Variants in PREX2 observed in about 807,000 individuals in gnomAD.
PREX2 encodes phosphatidylinositol-3,4,5-trisphosphate dependent Rac exchange factor 2.
Under a neutral mutation model 203.2 loss-of-function variants are expected in PREX2, and 107 were observed. The ratio of observed to expected loss-of-function variants is 0.53; its 90% CI spans 0.45 to 0.62. The LOEUF (loss-of-function observed/expected upper bound fraction) is 0.62, where lower values mean the gene tolerates loss of function less well. PREX2 is among the 20% of genes least tolerant of loss of function. The pLI is 0.00. For missense variants in PREX2, 1,777 were observed against 1,955.9 expected (o/e 0.91, Z 1.72); for synonymous variants, 672 against 663.6 (o/e 1.01, Z -0.19).
Position 68,101,329 on chromosome 8 carries a change from T to A in PREX2, c.2715+1486T>A, listed in dbSNP as rs189462706. The A allele has an allele frequency of 1.4e-3, 750 of 518,610 alleles. 1 individual carries two copies. The highest frequency in any genetic ancestry group is 4.4e-3 in the Admixed American group (228 of 51,488). 32.1% of individuals were successfully genotyped at this position (518,610 alleles called of 1,614,324 possible). On this transcript the variant is annotated intron_variant, in intron 23 of 39. Transcript: ENST00000288368. ...GGGAAAAGAGATCATGATTTTTTCCTTTAAACAATTCCTGTAATGTTTGGG... is the reference window on the plus strand; with the variant it reads ...GGGAAAAGAGATCATGATTTTTTCCATTAAACAATTCCTGTAATGTTTGGG...
At chr8:68,169,804 CCAA>C (rs1335864978) in intron 35 of PREX2, among the ~76,000 whole-genome samples, 4 of 152,074 alleles carry the variant, frequency 2.6e-5, no homozygotes, top group African/African-American at 9.7e-5. Flanking sequence ...TCAGTTGCCC[CCAA>C]CTGCCCTGAT....
At chr8:68,146,428 T>C (rs1249960200) in intron 34 of PREX2, 76 bp downstream of exon 34, 3 of 1,258,910 alleles carry the variant, frequency 2.4e-6, no homozygotes, top group Non-Finnish European at 3.3e-6. Flanking sequence ...AATGTGATTT[T>C]AACAGTTGGG....
At chr8:67,980,537 A>G in intron 1 of PREX2, among the ~76,000 whole-genome samples, 1 of 152,234 alleles carries the variant, frequency 6.6e-6, no homozygotes, top group East Asian at 1.9e-4. Context: ...TTAAGTGGGA[A>G]CAGTGTTTGG....
intron 23 of PREX2, chr8:68,106,243 C>T (rs1810407761): frequency 2.1e-6 from 1 of 479,626 alleles, no homozygotes; most frequent in South Asian, 1.6e-5. Flanking sequence ...CCATGGGTGC[C>T]TTGTGAGACT....
At position 68,217,550 on chromosome 8, in the gene PREX2, T is replaced by C. The variant is rs1240604467; in HGVS notation, c.4605-66T>C. On this transcript the variant is annotated intron_variant, in intron 37 of 39. Coordinates refer to ENST00000288368, the MANE Select transcript of PREX2 (RefSeq NM_024870.4). ...TGCTTTCTGATTTTGTGATTAGTAA[T>C]CCACATCATCTCAAAGGGTGTATCA... 5 of 1,137,404 alleles carry C rather than the reference T, an allele frequency of 4.4e-6. No homozygotes were observed. The African/African-American group carries it at 6.1e-5, about 14-fold the overall frequency. 70.5% of individuals were successfully genotyped at this position (1,137,404 alleles called of 1,614,324 possible).
intron 30 of PREX2, among the ~76,000 whole-genome samples, chr8:68,122,410 G>A (rs1158078068): frequency 6.6e-6 from 1 of 151,970 alleles, no homozygotes; most frequent in Non-Finnish European, 1.5e-5. Flanking sequence ...TTAATGAAAA[G>A]TCTGAATTTA....
At chr8:68,160,705 C>A (rs979909652) in intron 35 of PREX2, among the ~76,000 whole-genome samples, 1 of 152,020 alleles carries the variant, frequency 6.6e-6, no homozygotes, top group African/African-American at 2.4e-5. Context: ...TAAGTAACTA[C>A]AAAATGAGAT....
chr8:68,087,128 T>TA (rs1809716765), intron 18 of PREX2, among the ~76,000 whole-genome samples: 1 of 152,212 alleles, frequency 6.6e-6, no homozygotes, highest in Non-Finnish European at 1.5e-5. Flanking sequence ...TTGCCACAGA[T>TA]ACCCTGCAAA....
At chr8:68,034,295 T>C (rs1358590636) in intron 6 of PREX2, among the ~76,000 whole-genome samples, 2 of 152,176 alleles carry the variant, frequency 1.3e-5, no homozygotes, top group Admixed American at 1.3e-4. Context: ...TAATATGCCT[T>C]GGAAGAGAAG....
intron 31 of PREX2, among the ~76,000 whole-genome samples, chr8:68,133,676 G>A (rs560972653): frequency 1.4e-3 from 211 of 152,142 alleles, no homozygotes; most frequent in Non-Finnish European, 1.1e-3. Context: ...AAAAACTGAC[G>A]AATTGGACTT....
chr8:68,218,764 GCA>G (rs1318662056), intron 38 of PREX2, among the ~76,000 whole-genome samples: 4 of 152,174 alleles, frequency 2.6e-5, no homozygotes, highest in Non-Finnish European at 5.9e-5. Context: ...CGAAGATCAG[GCA>G]CAGAGAGAGC....
In PREX2 at chr8:67,976,768, GAGAC is replaced by G. The variant is rs1349866491; in HGVS notation, c.141+24237_141+24240del. ...GAGATGCGAGAGAGACAGAGAGAGA[GAGAC>G]AGAGACAGAGACAGAGCGAGAGGGG... On this transcript the variant is annotated intron_variant, in intron 1 of 39. Transcript: ENST00000288368. 1.2e-4 allele frequency among the ~76,000 whole-genome samples: 11 copies of G among 92,596 alleles called. 3 individuals are homozygous for G. The Admixed American group carries it at 1.5e-3, about 12-fold the overall frequency. The allele number at this position is 92,596 out of a possible 152,430, so 60.7% of individuals were successfully genotyped here.
At chr8:68,167,418 C>G (rs1379456788) in intron 35 of PREX2, among the ~76,000 whole-genome samples, 3 of 151,330 alleles carry the variant, frequency 2.0e-5, no homozygotes, top group African/African-American at 7.3e-5. Context: ...GCTATAACCT[C>G]TGCCTCCCAG....
intron 27 of PREX2, 115 bp downstream of exon 27, chr8:68,118,759 ACT>A (rs1810709520): frequency 4.9e-6 from 4 of 816,396 alleles, no homozygotes; most frequent in East Asian, 2.5e-5. Context: ...TTTATCAGTC[ACT>A]CTCTGTGGCC....
chr8:68,072,708 G>C lies in PREX2; in HGVS notation c.1569+138G>C, dbSNP rs574790271. The stretch of plus-strand genomic sequence containing the variant: ...GTACATACAACTAATAGGAAGCAGA[G>C]TTAGGATTTGAACCTAGATGATCAA... On this transcript the variant is annotated intron_variant, in intron 14 of 39. Coordinates refer to ENST00000288368, the MANE Select transcript of PREX2 (RefSeq NM_024870.4). 2.2e-5 allele frequency: 11 copies of C among 511,076 alleles called. No individual in the cohort carries two copies. The South Asian group carries it at 2.4e-4, about 11-fold the overall frequency. 31.7% of individuals were successfully genotyped at this position (511,076 alleles called of 1,614,324 possible). A position where few individuals can be genotyped will look rare whatever the true frequency, so the allele number is the denominator to read the frequency against.
At chr8:68,171,371 T>A (rs948348779) in intron 35 of PREX2, among the ~76,000 whole-genome samples, 1 of 152,184 alleles carries the variant, frequency 6.6e-6, no homozygotes, top group Non-Finnish European at 1.5e-5. Flanking sequence ...CTGAGAACCA[T>A]GTATTTTGGA....
intron 33 of PREX2, among the ~76,000 whole-genome samples, chr8:68,145,077 A>AT (rs139269759): frequency 0.026 from 3,948 of 152,118 alleles, 85 homozygotes; most frequent in South Asian, 0.072. Context: ...ATAAATCTGT[A>AT]TTTTCTTTAG....
chr8:68,207,899 T>C (rs1585865394), intron 37 of PREX2, among the ~76,000 whole-genome samples: 2 of 151,834 alleles, frequency 1.3e-5, no homozygotes, highest in South Asian at 4.2e-4. Flanking sequence ...CCAGGGCATA[T>C]GAGATCATAC....
At chr8:68,050,824 G>A (rs975339008) in intron 8 of PREX2, among the ~76,000 whole-genome samples, 1 of 152,144 alleles carries the variant, frequency 6.6e-6, no homozygotes, top group South Asian at 2.1e-4. Context: ...AGAGGAGAGT[G>A]GGGTAGCTTG....
Sources: allele counts gnomAD v4.1 joint callset (sites outside exome capture counted in the v4.1 genomes callset), GRCh38; gene constraint gnomAD v4.1.1; transcripts MANE v1.5; gene names NCBI Gene and HGNC (gene_info 2026-07-23, HGNC 2026-07-21).